The following RBMS3 variants were observed in gnomAD, a reference collection of about 807,000 sequenced individuals.
The protein encoded by RBMS3 is RNA binding motif single stranded interacting protein 3.
In RBMS3, 27 loss-of-function variants were observed where a neutral mutation model predicts 66.8. That is an observed-to-expected ratio of 0.40 (90% CI 0.30 to 0.56). The LOEUF (loss-of-function observed/expected upper bound fraction) is 0.56. Among genes scored for constraint, RBMS3 ranks in the 20% least tolerant of loss-of-function variants. The pLI, the probability that RBMS3 is intolerant of heterozygous loss-of-function variation, is 0.40. For missense variants in RBMS3, 513 were observed against 549.5 expected, an observed-to-expected ratio of 0.93 and a Z score of 0.66; for synonymous variants, 188 against 183.0, an observed-to-expected ratio of 1.03 and a Z score of -0.22.
chr3:29,488,604 A>T, intron 3 of RBMS3, 105 bp downstream of exon 3: 2 of 958,854 alleles, frequency 2.1e-6, no homozygotes. Context: ...ATCACAATGC[A>T]TAGTATGGAA....
At chr3:29,747,370 CTATCTAGG>C (rs1318386078) in intron 5 of RBMS3, among the ~76,000 whole-genome samples, 1 of 148,956 alleles carries the variant, frequency 6.7e-6, no homozygotes, top group Admixed American at 6.9e-5. Flanking sequence ...ATCTATCTAT[CTATCTAGG>C]TAGGTAGGTA....
chr3:29,328,404 C>CA (rs1167021849), intron 1 of RBMS3, among the ~76,000 whole-genome samples: 1 of 152,096 alleles, frequency 6.6e-6, no homozygotes, highest in African/African-American at 2.4e-5. Flanking sequence ...AATGAAACGA[C>CA]AAAAAGGACA....
intron 1 of RBMS3, among the ~76,000 whole-genome samples, chr3:29,307,707 T>A (rs530292265): frequency 1.3e-5 from 2 of 152,016 alleles, no homozygotes; most frequent in East Asian, 3.9e-4. Context: ...AAACATGTTA[T>A]TTATGGGTTC....
At chr3:29,554,524 T>TA (rs1314608265) in intron 3 of RBMS3, among the ~76,000 whole-genome samples, 1 of 152,114 alleles carries the variant, frequency 6.6e-6, no homozygotes, top group East Asian at 1.9e-4. Flanking sequence ...TGGAAGTAAA[T>TA]AAGTATCCAC....
At chr3:29,813,616 G>A (rs1427482105) in intron 6 of RBMS3, among the ~76,000 whole-genome samples, 2 of 152,116 alleles carry the variant, frequency 1.3e-5, no homozygotes, top group Non-Finnish European at 2.9e-5. Flanking sequence ...CCATGAGCAT[G>A]GAATGTTCTT....
At chr3:29,912,029 AGAT>A (rs1429002577) in intron 10 of RBMS3, among the ~76,000 whole-genome samples, 6 of 151,832 alleles carry the variant, frequency 4.0e-5, no homozygotes, top group Admixed American at 2.0e-4. Flanking sequence ...ATGGGTGGAT[AGAT>A]GATGAATGAA....
intron 6 of RBMS3, among the ~76,000 whole-genome samples, chr3:29,823,899 A>G (rs2058136769): frequency 6.6e-6 from 1 of 152,168 alleles, no homozygotes; most frequent in Non-Finnish European, 1.5e-5. Flanking sequence ...AAAGTTTTCT[A>G]CCAGAGGGGT....
chr3:29,717,448 C>T lies in RBMS3; in HGVS notation c.400-22272C>T, dbSNP rs543092668. Among the ~76,000 whole-genome samples the T allele has an allele frequency of 2.0e-5, 3 of 152,108 alleles. No homozygotes were observed. The South Asian group carries it at 6.2e-4, about 32-fold the overall frequency. On this transcript the variant is annotated intron_variant, in intron 4 of 14. Transcript: ENST00000383767. The stretch of plus-strand genomic sequence containing the variant: ...CACATTCTCCTTTCTCTTCTTCTGT[C>T]CCTTTTTCTACCCCAACTAGTGCTA...
At chr3:29,861,096 CTCGTGA>C (rs569113963) in intron 6 of RBMS3, among the ~76,000 whole-genome samples, 48 of 152,254 alleles carry the variant, frequency 3.2e-4, no homozygotes, top group Non-Finnish European at 5.6e-4. Flanking sequence ...ATCTTCTGAC[CTCGTGA>C]TCATTTGTTT....
At chr3:29,673,551 A>G (rs1249532487) in intron 4 of RBMS3, among the ~76,000 whole-genome samples, 5 of 152,142 alleles carry the variant, frequency 3.3e-5, no homozygotes, top group Non-Finnish European at 7.3e-5. Flanking sequence ...TATAGACGCA[A>G]TAAAAAATAA....
In RBMS3 at chr3:29,418,300, C is replaced by A. The variant is rs187491047; in HGVS notation, c.76-16443C>A. On this transcript the variant is annotated intron_variant, in intron 1 of 14. Coordinates refer to ENST00000383767, the MANE Select transcript of RBMS3 (RefSeq NM_001003793.3). ...TTTTTTGTTATTATCTGTGTCATTG[C>A]GCAAAATTGTAAATTGGGTCCAGGA... Among the ~76,000 whole-genome samples, 8 of 152,092 alleles carry A rather than the reference C, an allele frequency of 5.3e-5. No homozygotes were observed. In the East Asian group the frequency reaches 1.2e-3, roughly 22 times the overall value.
At chr3:29,836,781 C>CTATATATA (rs34553455) in intron 6 of RBMS3, among the ~76,000 whole-genome samples, 91 of 146,030 alleles carry the variant, frequency 6.2e-4, no homozygotes, top group African/African-American at 1.9e-3. Context: ...AACCATTTCA[C>CTATATATA]TATATATATA....
chr3:29,446,906 C>CTTTTTTTTTTTTTT (rs11293530), intron 2 of RBMS3, among the ~76,000 whole-genome samples: 1 of 68,582 alleles, frequency 1.5e-5, no homozygotes, highest in Non-Finnish European at 2.5e-5. Flanking sequence ...ATTAAGCAGT[C>CTTTTTTTTTTTTTT]TTTTTTTTTT....
At chr3:29,548,885 T>C (rs1250808718) in intron 3 of RBMS3, among the ~76,000 whole-genome samples, 1 of 151,856 alleles carries the variant, frequency 6.6e-6, no homozygotes, top group Admixed American at 6.6e-5. Context: ...TTTTGGCCAA[T>C]AATTGTTATT....
intron 2 of RBMS3, among the ~76,000 whole-genome samples, chr3:29,452,433 C>A (rs1012346066): frequency 1.3e-5 from 2 of 152,052 alleles, no homozygotes; most frequent in African/African-American, 4.8e-5. Context: ...GATCTAGAAT[C>A]AACAAATTTC....
intron 4 of RBMS3, among the ~76,000 whole-genome samples, chr3:29,704,058 G>T (rs2052758586): frequency 6.6e-6 from 1 of 152,172 alleles, no homozygotes. Context: ...ATCAACCCCA[G>T]ATTGGACTGT....
At chr3:29,535,054 G>C (rs765104575) in intron 3 of RBMS3, among the ~76,000 whole-genome samples, 3 of 152,074 alleles carry the variant, frequency 2.0e-5, no homozygotes, top group Non-Finnish European at 4.4e-5. Flanking sequence ...ATAAAACTGA[G>C]TGCAAATAAT....
chr3:29,585,498 A>G (rs906650991), intron 3 of RBMS3, among the ~76,000 whole-genome samples: 1 of 152,062 alleles, frequency 6.6e-6, no homozygotes, highest in Admixed American at 6.6e-5. Flanking sequence ...ATTCTTGTCA[A>G]GTTGGATCAC....
intron 4 of RBMS3, among the ~76,000 whole-genome samples, chr3:29,650,501 C>T (rs1334601827): frequency 6.6e-6 from 1 of 151,986 alleles, no homozygotes; most frequent in Non-Finnish European, 1.5e-5. Flanking sequence ...TTTTGTGGCC[C>T]ATGTAGGTCT....
Sources: allele counts gnomAD v4.1 joint callset (sites outside exome capture counted in the v4.1 genomes callset), GRCh38; gene constraint gnomAD v4.1.1; transcripts MANE v1.5; gene names NCBI Gene and HGNC (gene_info 2026-07-23, HGNC 2026-07-21).